The following TAOK3 variants were observed in gnomAD, a reference collection of about 807,000 sequenced individuals.
TAOK3 encodes the protein serine/threonine-protein kinase TAO3.
In TAOK3, 40 loss-of-function variants were observed where a neutral mutation model predicts 120.4. The ratio of observed to expected loss-of-function variants is 0.33; its 90% CI spans 0.26 to 0.43. The LOEUF (loss-of-function observed/expected upper bound fraction) is 0.43, where lower values mean the gene tolerates loss of function less well. Among genes scored for constraint, TAOK3 ranks in the 20% least tolerant of loss-of-function variants. The probability of loss-of-function intolerance (pLI) is 1.00; values close to 1 mark genes in which losing one functional copy is unlikely to be tolerated. For missense variants in TAOK3, 821 were observed against 1,112.1 expected (o/e 0.74, Z 3.72); for synonymous variants, 355 against 387.5 (o/e 0.92, Z 0.99).
At chr12:118,156,364 C>A (rs1459503651) in intron 19 of TAOK3, among the ~76,000 whole-genome samples, 1 of 152,070 alleles carries the variant, frequency 6.6e-6, no homozygotes, top group Non-Finnish European at 1.5e-5. Flanking sequence ...TGGTTTTTGT[C>A]TTCCCTCTCT....
At chr12:118,283,201 T>C (rs949591366) in intron 1 of TAOK3, among the ~76,000 whole-genome samples, 5 of 152,184 alleles carry the variant, frequency 3.3e-5, no homozygotes, top group African/African-American at 1.2e-4. Context: ...TCAACATTTA[T>C]TGGATACCTG....
At chr12:118,175,417 G>A (rs2036260829) in intron 16 of TAOK3, among the ~76,000 whole-genome samples, 1 of 152,140 alleles carries the variant, frequency 6.6e-6, no homozygotes, top group African/African-American at 2.4e-5. Flanking sequence ...CCTGAGGTCA[G>A]GAGTTCAAGA....
intron 9 of TAOK3, among the ~76,000 whole-genome samples, chr12:118,227,156 C>T (rs1479520385): frequency 1.3e-5 from 2 of 151,500 alleles, no homozygotes; most frequent in African/African-American, 2.4e-5. Context: ...GTGGCACATT[C>T]TTTTAAAAGA....
At chr12:118,359,852 G>A (rs189085680) in intron 1 of TAOK3, 1 of 152,182 alleles carries the variant, frequency 6.6e-6, no homozygotes, top group Non-Finnish European at 1.5e-5. Context: ...GAACTACCTT[G>A]GGCTAATACC....
In TAOK3 at chr12:118,189,911, G is replaced by A. The variant is rs565745021; in HGVS notation, c.1225C>T (p.His409Tyr). The change falls in exon 14 of 21, where the codon CAC becomes TAC. Residue 409 changes from histidine to tyrosine, a missense_variant. His to Tyr is a moderately conservative substitution (Grantham distance 83, BLOSUM62 2). This residue lies in a region of TAOK3 where 467 missense variants were observed against 540.0 expected (regional missense o/e 0.86). Transcript: ENST00000392533. Reference sequence around the variant, plus strand: ...CGCGGCTCAGGCCTGGGATCGCCGTGGCCCGCCTCATCCCTTATGAATACA... The same window carrying A: ...CGCGGCTCAGGCCTGGGATCGCCGTAGCCCGCCTCATCCCTTATGAATACA... ...DHVFIRDEAG[H>Y]GDPRPEPRPT... 1 of 1,614,166 alleles carries A rather than the reference G, an allele frequency of 6.2e-7. No homozygotes were observed. Among genetic ancestry groups the A allele is most frequent in the African/African-American group, 1.3e-5 (1 of 75,040 alleles).
intron 19 of TAOK3, among the ~76,000 whole-genome samples, chr12:118,158,949 G>A (rs1343827161): frequency 6.6e-6 from 1 of 152,130 alleles, no homozygotes; most frequent in African/African-American, 2.4e-5. Context: ...TCCTCTGTCA[G>A]GAACAACTTT....
At chr12:118,235,765 T>A (rs1430059827) in intron 7 of TAOK3, 94 bp from the exon 8 acceptor site, 1 of 774,282 alleles carries the variant, frequency 1.3e-6, no homozygotes, top group Non-Finnish European at 2.1e-6. Flanking sequence ...AAAGTTTATT[T>A]AAACGAACAA....
intron 1 of TAOK3, among the ~76,000 whole-genome samples, chr12:118,364,093 G>A (rs1366866001): frequency 2.0e-5 from 3 of 152,022 alleles, no homozygotes; most frequent in Admixed American, 2.0e-4. Context: ...TGGAGATGGC[G>A]CCATTGCACT....
chr12:118,321,052 AAAC>A (rs1467727904), intron 1 of TAOK3, among the ~76,000 whole-genome samples: 2 of 152,216 alleles, frequency 1.3e-5, no homozygotes, highest in Non-Finnish European at 2.9e-5. Flanking sequence ...TTAATAATAT[AAAC>A]AACATTAAAA....
rs140318009 is a variant in TAOK3, at chr12:118,256,553, T to C, written c.-88-898A>G. Among the ~76,000 whole-genome samples, 460 of 152,328 alleles carry C rather than the reference T, an allele frequency of 3.0e-3. 8 individuals carry two copies. The highest frequency in any genetic ancestry group is 0.01 in the Middle Eastern group (3 of 294). ...GAATAAACAAAATGTGGTATATCCA[T>C]ATAATGGAATATTATTCAGCAGTAA... On this transcript the variant is annotated intron_variant, in intron 2 of 20. Coordinates refer to ENST00000392533, the MANE Select transcript of TAOK3 (RefSeq NM_016281.4).
chr12:118,366,247 G>C (rs535721656), intron 1 of TAOK3, among the ~76,000 whole-genome samples: 1 of 152,190 alleles, frequency 6.6e-6, no homozygotes, highest in East Asian at 1.9e-4. Context: ...CTGAGCGAAA[G>C]AGCGAGACTC....
chr12:118,186,711 C>T (rs1256619190), intron 14 of TAOK3, among the ~76,000 whole-genome samples: 1 of 152,272 alleles, frequency 6.6e-6, no homozygotes, highest in African/African-American at 2.4e-5. Flanking sequence ...GGGCAATAAT[C>T]TCTGCCCTTA....
At chr12:118,298,200 A>G (rs2042751373) in intron 1 of TAOK3, among the ~76,000 whole-genome samples, 1 of 152,222 alleles carries the variant, frequency 6.6e-6, no homozygotes, top group South Asian at 2.1e-4. Context: ...GATTTTAATT[A>G]ATCTGGAGAG....
At position 118,303,143 on chromosome 12, in the gene TAOK3, C is replaced by T. The variant is rs555946708; in HGVS notation, c.-193-36384G>A. Among the ~76,000 whole-genome samples the T allele has an allele frequency of 2.6e-5, 4 of 152,274 alleles. No homozygotes were observed. The East Asian group carries it at 7.7e-4, about 29-fold the overall frequency. On this transcript the variant is annotated intron_variant, in intron 1 of 20. Transcript: ENST00000392533. The stretch of plus-strand genomic sequence containing the variant: ...TTTCAGCTTGGCCCTATTTCAACTT[C>T]AGCTTCCATAGATTAATATGATTTT...
intron 1 of TAOK3, among the ~76,000 whole-genome samples, chr12:118,339,906 T>C (rs1357863232): frequency 6.6e-6 from 1 of 152,208 alleles, no homozygotes; most frequent in Non-Finnish European, 1.5e-5. Context: ...TTCCCAACTT[T>C]TAAAAGTTTG....
At chr12:118,337,031 G>A (rs1464121171) in intron 1 of TAOK3, among the ~76,000 whole-genome samples, 1 of 152,146 alleles carries the variant, frequency 6.6e-6, no homozygotes, top group Non-Finnish European at 1.5e-5. Flanking sequence ...CTGCACTCCA[G>A]CCTGGGCAAC....
At chr12:118,210,980 T>G (rs2038599785) in intron 11 of TAOK3, among the ~76,000 whole-genome samples, 2 of 152,044 alleles carry the variant, frequency 1.3e-5, no homozygotes, top group African/African-American at 4.8e-5. Flanking sequence ...CTCCTGATCC[T>G]CCCACCTTGG....
At chr12:118,265,742 T>C (rs2041420804) in intron 2 of TAOK3, among the ~76,000 whole-genome samples, 1 of 152,124 alleles carries the variant, frequency 6.6e-6, no homozygotes, top group South Asian at 2.1e-4. Context: ...CAGTTTCTTG[T>C]TTGTTTTGTT....
rs111828495 is a variant in TAOK3, at chr12:118,244,780, G to A, written c.192+114C>T. On this transcript the variant is annotated intron_variant, in intron 4 of 20. Coordinates refer to ENST00000392533, the MANE Select transcript of TAOK3 (RefSeq NM_016281.4). ...CCCGACCTCGTGAGCCGCCCACCTC[G>A]GCCTCGCAAAGTGCTGGGATTACAG... 6.6e-3 allele frequency: 4,457 copies of A among 671,202 alleles called. 143 individuals are homozygous for A. The African/African-American group carries it at 0.071, about 11-fold the overall frequency. The allele number at this position is 671,202 out of a possible 1,614,324, so 41.6% of individuals were successfully genotyped here.
Sources: gnomAD v4.1 joint callset for allele counts (sites outside exome capture counted in the v4.1 genomes callset) on GRCh38, gnomAD v4.1.1 for gene constraint, gnomAD v4.1.1 regional missense constraint, MANE v1.5 for transcripts, NCBI Gene and HGNC (gene_info 2026-07-23, HGNC 2026-07-21) for gene names.